The following AGAP1 variants were observed in gnomAD, a reference collection of about 807,000 sequenced individuals.
AGAP1 encodes the protein arf-GAP with GTPase, ANK repeat and PH domain-containing protein 1.
In AGAP1, 29 loss-of-function variants were observed where a neutral mutation model predicts 105.3. The ratio of observed to expected loss-of-function variants is 0.28; its 90% CI spans 0.21 to 0.38. AGAP1 has a LOEUF of 0.38. AGAP1 is among the 10% of genes least tolerant of loss of function. AGAP1 has a pLI of 1.00. For missense variants in AGAP1, 998 were observed against 1,165.1 expected, an observed-to-expected ratio of 0.86 and a Z score of 2.09; for synonymous variants, 509 against 485.9, an observed-to-expected ratio of 1.05 and a Z score of -0.63.
In AGAP1 at chr2:235,716,509, G is replaced by C. The variant is rs1245903160; in HGVS notation, c.223-1048G>C. Among the ~76,000 whole-genome samples the C allele has an allele frequency of 6.6e-6, 1 of 152,156 alleles. No homozygotes were observed. Among genetic ancestry groups the C allele is most frequent in the Non-Finnish European group, 1.5e-5 (1 of 68,032 alleles). On this transcript the variant is annotated intron_variant, in intron 2 of 17. Coordinates refer to ENST00000304032, the MANE Select transcript of AGAP1 (RefSeq NM_001037131.3). This position sits in a 1 kb window ranked among gnomAD's most constrained non-coding sequence, Gnocchi z 4.0. ...GTGGAACCGAGAGCAAGCGGGGTGA[G>C]TCCCAGCTCAGGGAATGGCAGGTGG...
At position 235,977,607 on chromosome 2, in the gene AGAP1, A is replaced by G. The variant is rs1288099372; in HGVS notation, c.1645+8984A>G. Reference sequence around the variant, plus strand: ...AGACACATGCGGCCTGGGCTTCAGGAAGTAGAGATGCCCGGGGGTTATATT... The same window carrying G: ...AGACACATGCGGCCTGGGCTTCAGGGAGTAGAGATGCCCGGGGGTTATATT... On this transcript the variant is annotated intron_variant, in intron 13 of 17. Transcript: ENST00000304032. This position sits in a 1 kb window ranked among gnomAD's most constrained non-coding sequence, Gnocchi z 5.2. Among the ~76,000 whole-genome samples, 1 of 151,964 alleles carries G rather than the reference A, an allele frequency of 6.6e-6. No homozygotes were observed. Among genetic ancestry groups the G allele is most frequent in the Non-Finnish European group, 1.5e-5 (1 of 67,996 alleles).
In AGAP1 at chr2:235,769,375, C is replaced by T. The variant is rs907037264; in HGVS notation, c.673+18887C>T. ...CTTTTTCCTCCAGTGGCAAGGTTTG[C>T]GTGGTCTTCACTCTTTTGCAGAAAA... On this transcript the variant is annotated intron_variant, in intron 6 of 17. Coordinates refer to ENST00000304032, the MANE Select transcript of AGAP1 (RefSeq NM_001037131.3). The surrounding 1 kb of genome is among the most constrained non-coding windows in gnomAD (Gnocchi z 4.4). Among the ~76,000 whole-genome samples the T allele has an allele frequency of 6.6e-6, 1 of 152,200 alleles. No individual in the cohort carries two copies. The highest frequency in any genetic ancestry group is 2.4e-5 in the African/African-American group (1 of 41,456).
chr2:235,802,986 G>A (rs1226520678), intron 8 of AGAP1, among the ~76,000 whole-genome samples: 2 of 139,166 alleles, frequency 1.4e-5, no homozygotes, highest in Non-Finnish European at 3.2e-5. Flanking sequence ...GGTTGTGATG[G>A]TTGTGATGGT....
chr2:236,030,575 G>A (rs1235146867), intron 13 of AGAP1, among the ~76,000 whole-genome samples: 1 of 152,204 alleles, frequency 6.6e-6, no homozygotes, highest in East Asian at 1.9e-4. Context: ...GCCCCTCAGG[G>A]TAGCCTTCAC....
chr2:235,933,536 A>ATTTTTTTTTTTTTTTTTTTTT (rs71036300), intron 12 of AGAP1, among the ~76,000 whole-genome samples: 1 of 141,986 alleles, frequency 7.0e-6, no homozygotes, highest in African/African-American at 2.6e-5. Context: ...TTTTCTAAGG[A>ATTTTTTTTTTTTTTTTTTTTT]TTTTTTTTTT....
intron 6 of AGAP1, among the ~76,000 whole-genome samples, chr2:235,757,851 C>G (rs952088737): frequency 6.6e-6 from 1 of 152,128 alleles, no homozygotes; most frequent in Non-Finnish European, 1.5e-5. Context: ...ACCAGGGGAG[C>G]TATGTTAATG....
chr2:236,084,705 C>T (rs1177576601), intron 16 of AGAP1, among the ~76,000 whole-genome samples: 2 of 151,212 alleles, frequency 1.3e-5, no homozygotes, highest in Non-Finnish European at 2.9e-5. Flanking sequence ...GAGTTCAAAA[C>T]CAGCCTGGCC....
intron 1 of AGAP1, among the ~76,000 whole-genome samples, chr2:235,629,886 A>G (rs977171871): frequency 6.8e-6 from 1 of 146,984 alleles, no homozygotes; most frequent in African/African-American, 2.5e-5. Context: ...AAAAAAAAGA[A>G]AGAACAGAAA....
Position 235,867,048 on chromosome 2 carries a change from C to T in AGAP1, c.1051-16297C>T, listed in dbSNP as rs560647816. Among the ~76,000 whole-genome samples, 35 of 152,238 alleles carry T rather than the reference C, an allele frequency of 2.3e-4. No individual in the cohort carries two copies. Among genetic ancestry groups the T allele is most frequent in the Non-Finnish European group, 2.9e-4 (20 of 68,016 alleles). On this transcript the variant is annotated intron_variant, in intron 9 of 17. Coordinates refer to ENST00000304032, the MANE Select transcript of AGAP1 (RefSeq NM_001037131.3). This position sits in a 1 kb window ranked among gnomAD's most constrained non-coding sequence, Gnocchi z 5.4. ...GGGCGTCGGGGGGTGCTTGCTTATG[C>T]GGAGCCTGTGACCCTGCAGCTCAGC...
rs568688950 is a variant in AGAP1 at position 236,003,325 on chromosome 2, G to T, written c.1646-33236G>T. Among the ~76,000 whole-genome samples the T allele has an allele frequency of 2.2e-4, 34 of 152,258 alleles. No individual in the cohort carries two copies. Among genetic ancestry groups the T allele is most frequent in the South Asian group, 1.2e-3 (6 of 4,812 alleles). On this transcript the variant is annotated intron_variant, in intron 13 of 17. Transcript: ENST00000304032. The surrounding 1 kb of genome is among the most constrained non-coding windows in gnomAD (Gnocchi z 4.2). ...CTCCCAGAGTGCCAGGATTACAAGA[G>T]TGAGCCACCACGCCCAGCCCAGGAT...
intron 1 of AGAP1, among the ~76,000 whole-genome samples, chr2:235,501,655 C>T (rs941043422): frequency 5.9e-5 from 9 of 152,112 alleles, no homozygotes; most frequent in African/African-American, 1.4e-4. Context: ...ATTTTGCATC[C>T]GTTTTTCCCC....
At position 235,610,747 on chromosome 2, in the gene AGAP1, A is replaced by C. The variant is rs1946099341; in HGVS notation, c.164-98432A>C. Among the ~76,000 whole-genome samples, 1 of 151,954 alleles carries C rather than the reference A, an allele frequency of 6.6e-6. No individual in the cohort carries two copies. The highest frequency in any genetic ancestry group is 2.1e-4 in the South Asian group (1 of 4,824). On this transcript the variant is annotated intron_variant, in intron 1 of 17. Transcript: ENST00000304032. This position sits in a 1 kb window ranked among gnomAD's most constrained non-coding sequence, Gnocchi z 4.9. ...TGCTCCCGTGAGCTCCCTGCCCTGG[A>C]GTGGAAACCCTGGGCTGGGGAGGAG...
rs533521210 is a variant in AGAP1 at position 235,850,979 on chromosome 2, C to CCA, written c.1051-32364_1051-32363dup. Among the ~76,000 whole-genome samples, 15 of 152,320 alleles carry CCA rather than the reference C, an allele frequency of 9.8e-5. No homozygotes were observed. In the South Asian group the frequency reaches 2.9e-3, roughly 29 times the overall value. Reference sequence around the variant, plus strand: ...TTCCGGGACCTGGCCCAGCATCCTCCCACTGTACACAGCCTCCCTGCACAA... The same window carrying CCA: ...TTCCGGGACCTGGCCCAGCATCCTCCCACACTGTACACAGCCTCCCTGCACAA... On this transcript the variant is annotated intron_variant, in intron 9 of 17. Transcript: ENST00000304032.
At chr2:235,498,310 C>G (rs891125719) in intron 1 of AGAP1, among the ~76,000 whole-genome samples, 4 of 151,824 alleles carry the variant, frequency 2.6e-5, no homozygotes, top group African/African-American at 9.7e-5. Flanking sequence ...TTATTCCCCC[C>G]TCCCTTCACC....
chr2:236,090,275 C>G lies in AGAP1; in HGVS notation c.2115-29917C>G, dbSNP rs1446711303. ...CTGATATATTCAACCCTCAGGCGTA[C>G]CATGCAAAGAGGACATAGCCACCCT... On this transcript the variant is annotated intron_variant, in intron 16 of 17. Transcript: ENST00000304032. The surrounding 1 kb of genome is among the most constrained non-coding windows in gnomAD (Gnocchi z 4.3). Among the ~76,000 whole-genome samples, 1 of 152,158 alleles carries G rather than the reference C, an allele frequency of 6.6e-6. No individual in the cohort carries two copies. The highest frequency in any genetic ancestry group is 1.5e-5 in the Non-Finnish European group (1 of 68,038).
chr2:235,851,740 CTCGCCA>C (rs2048469398), intron 9 of AGAP1, among the ~76,000 whole-genome samples: 1 of 152,124 alleles, frequency 6.6e-6, no homozygotes, highest in African/African-American at 2.4e-5. Context: ...CTCTTGACTG[CTCGCCA>C]TAAAAATAAT....
At chr2:235,554,701 A>C (rs535732392) in intron 1 of AGAP1, among the ~76,000 whole-genome samples, 1 of 152,166 alleles carries the variant, frequency 6.6e-6, no homozygotes, top group African/African-American at 2.4e-5. Context: ...TTTTTTAGAC[A>C]GAGTTTCGCT....
At position 236,089,979 on chromosome 2, in the gene AGAP1, A is replaced by C. The variant is rs2059017882; in HGVS notation, c.2115-30213A>C. ...ACTCACACTGCTCCTATTATAAATC[A>C]ACCTTATGCCTGTACAGCAGCTCCC... On this transcript the variant is annotated intron_variant, in intron 16 of 17. Transcript: ENST00000304032. This position sits in a 1 kb window ranked among gnomAD's most constrained non-coding sequence, Gnocchi z 5.6. Among the ~76,000 whole-genome samples the C allele has an allele frequency of 6.6e-6, 1 of 152,000 alleles. No homozygotes were observed. The highest frequency in any genetic ancestry group is 2.4e-5 in the African/African-American group (1 of 41,394).
Position 235,936,219 on chromosome 2 carries a change from TC to T in AGAP1, c.1483+5301del, listed in dbSNP as rs1262589228. On this transcript the variant is annotated intron_variant, in intron 12 of 17. Coordinates refer to ENST00000304032, the MANE Select transcript of AGAP1 (RefSeq NM_001037131.3). This position sits in a 1 kb window ranked among gnomAD's most constrained non-coding sequence, Gnocchi z 4.7. ...CTCTTGAGCCTCACTTCCCTCGGCC[TC>T]CCCCAGGCCACCACGCAGCCTCGTC... Among the ~76,000 whole-genome samples the T allele has an allele frequency of 6.6e-6, 1 of 152,000 alleles. No homozygotes were observed. Among genetic ancestry groups the T allele is most frequent in the Non-Finnish European group, 1.5e-5 (1 of 68,010 alleles).
Sources: gnomAD v4.1 joint callset for allele counts (sites outside exome capture counted in the v4.1 genomes callset) on GRCh38, gnomAD v4.1.1 for gene constraint, Gnocchi (gnomAD v3.1) non-coding constraint, MANE v1.5 for transcripts, NCBI Gene and HGNC (gene_info 2026-07-23, HGNC 2026-07-21) for gene names.